Variants in PKN2 observed in about 807,000 individuals in gnomAD.
PKN2 encodes the protein protein kinase N2.
In PKN2, 38 loss-of-function variants were observed where a neutral mutation model predicts 119.1. The observed-to-expected ratio is 0.32, with a 90% CI of 0.25 to 0.42. The LOEUF is 0.42. Among genes scored for constraint, PKN2 ranks in the 10% least tolerant of loss-of-function variants. The pLI, the probability that PKN2 is intolerant of heterozygous loss-of-function variation, is 1.00. For missense variants in PKN2, 850 were observed against 1,165.1 expected, an observed-to-expected ratio of 0.73 and a Z score of 3.94; for synonymous variants, 390 against 384.9, an observed-to-expected ratio of 1.01 and a Z score of -0.15.
chr1:88,692,238 G>A (rs1666365505), intron 1 of PKN2, among the ~76,000 whole-genome samples: 1 of 151,712 alleles, frequency 6.6e-6, no homozygotes, highest in South Asian at 2.1e-4. Context: ...TACTTTGGTG[G>A]ATATTTGGAT....
chr1:88,688,177 C>A (rs957566572), intron 1 of PKN2, among the ~76,000 whole-genome samples: 1 of 152,136 alleles, frequency 6.6e-6, no homozygotes, highest in Non-Finnish European at 1.5e-5. Flanking sequence ...TCTCCACCTC[C>A]CAGGTTCAAG....
intron 1 of PKN2, among the ~76,000 whole-genome samples, chr1:88,690,349 C>T (rs538820151): frequency 7.9e-5 from 12 of 152,248 alleles, no homozygotes; most frequent in African/African-American, 1.7e-4. Context: ...ACTTTCATAC[C>T]ATAAATGGTA....
At chr1:88,767,797 C>T (rs945173096) in intron 3 of PKN2, among the ~76,000 whole-genome samples, 1 of 152,094 alleles carries the variant, frequency 6.6e-6, no homozygotes, top group African/African-American at 2.4e-5. Flanking sequence ...GGTATATTAA[C>T]CTGAGTTTGG....
chr1:88,784,098 C>G (rs183612188), intron 6 of PKN2, among the ~76,000 whole-genome samples: 2 of 148,388 alleles, frequency 1.3e-5, no homozygotes, highest in African/African-American at 5.0e-5. Context: ...TCTTTTATGC[C>G]CTCTATACAG....
At chr1:88,777,514 T>A (rs1670154043) in intron 6 of PKN2, among the ~76,000 whole-genome samples, 1 of 152,240 alleles carries the variant, frequency 6.6e-6, no homozygotes, top group African/African-American at 2.4e-5. Context: ...GATTTTACTC[T>A]TTCCAAAGAT....
intron 1 of PKN2, among the ~76,000 whole-genome samples, chr1:88,714,577 T>C (rs1427570792): frequency 6.6e-6 from 1 of 152,192 alleles, no homozygotes; most frequent in Non-Finnish European, 1.5e-5. Context: ...TCTGTATTTG[T>C]CTGTTCTTGG....
At chr1:88,691,638 T>G (rs2100647270) in intron 1 of PKN2, among the ~76,000 whole-genome samples, 1 of 152,304 alleles carries the variant, frequency 6.6e-6, no homozygotes, top group South Asian at 2.1e-4. Flanking sequence ...ACGTATAGTT[T>G]TCCTCTATTC....
At chr1:88,776,815 C>G (rs1039545700) in intron 6 of PKN2, among the ~76,000 whole-genome samples, 4 of 151,006 alleles carry the variant, frequency 2.6e-5, no homozygotes, top group Non-Finnish European at 5.9e-5. Flanking sequence ...GTTAATGTTA[C>G]TGAGGATCCC....
chr1:88,700,670 C>T (rs1390462597), intron 1 of PKN2, among the ~76,000 whole-genome samples: 1 of 152,114 alleles, frequency 6.6e-6, no homozygotes, highest in African/African-American at 2.4e-5. Flanking sequence ...GGACAGCTTC[C>T]CCTGTATTTT....
At chr1:88,821,826 A>G in intron 16 of PKN2, 115 bp from the exon 17 acceptor site, 1 of 816,276 alleles carries the variant, frequency 1.2e-6, no homozygotes, top group South Asian at 2.2e-5. Flanking sequence ...TAGGGACTAA[A>G]TAAATATTTG....
chr1:88,775,198 G>T (rs145112376), intron 6 of PKN2, among the ~76,000 whole-genome samples: 31 of 152,070 alleles, frequency 2.0e-4, no homozygotes, highest in African/African-American at 7.0e-4. Context: ...TCCTGGGCTC[G>T]AGCAATCTGT....
chr1:88,724,078 T>G (rs1459258801), intron 1 of PKN2, among the ~76,000 whole-genome samples: 1 of 152,128 alleles, frequency 6.6e-6, no homozygotes, highest in Admixed American at 6.5e-5. Context: ...TAGGTAACTA[T>G]TTAGTTAAGT....
intron 19 of PKN2, among the ~76,000 whole-genome samples, chr1:88,830,470 G>A (rs901532356): frequency 1.1e-4 from 17 of 152,166 alleles, no homozygotes; most frequent in Admixed American, 2.0e-4. Flanking sequence ...TATTTTAACA[G>A]TAACATTTTG....
chr1:88,700,278 T>A (rs188112385), intron 1 of PKN2, among the ~76,000 whole-genome samples: 1 of 152,278 alleles, frequency 6.6e-6, no homozygotes, highest in Non-Finnish European at 1.5e-5. Flanking sequence ...GTAATGGGAT[T>A]TCTGGTTGAA....
chr1:88,686,020 TC>T (rs1197123587), intron 1 of PKN2, among the ~76,000 whole-genome samples: 1 of 152,176 alleles, frequency 6.6e-6, no homozygotes, highest in Non-Finnish European at 1.5e-5. Flanking sequence ...AAGCTGAATT[TC>T]ATATAATTGA....
intron 16 of PKN2, among the ~76,000 whole-genome samples, chr1:88,818,199 A>G (rs1293295302): frequency 6.6e-6 from 1 of 152,224 alleles, no homozygotes; most frequent in Non-Finnish European, 1.5e-5. Context: ...TCACTGCCCA[A>G]GGAAATAAGA....
chr1:88,815,676 T>C (rs1269702512), intron 16 of PKN2, among the ~76,000 whole-genome samples: 1 of 152,222 alleles, frequency 6.6e-6, no homozygotes, highest in Non-Finnish European at 1.5e-5. Flanking sequence ...TTAGACAAAT[T>C]ATGTTTTCTG....
At chr1:88,708,470 A>G (rs138956882) in intron 1 of PKN2, among the ~76,000 whole-genome samples, 154 of 152,312 alleles carry the variant, frequency 1.0e-3, no homozygotes, top group African/African-American at 3.6e-3. Context: ...TGATGATACA[A>G]TAAGTCATAC....
chr1:88,795,649 T>C (rs1462968864), intron 8 of PKN2, among the ~76,000 whole-genome samples: 1 of 152,192 alleles, frequency 6.6e-6, no homozygotes, highest in African/African-American at 2.4e-5. Flanking sequence ...GAGTTTCAGT[T>C]AGTTTTCTCA....
Sources: gnomAD v4.1 joint callset for allele counts (sites outside exome capture counted in the v4.1 genomes callset) on GRCh38, gnomAD v4.1.1 for gene constraint, MANE v1.5 for transcripts, NCBI Gene and HGNC (gene_info 2026-07-23, HGNC 2026-07-21) for gene names.